Variants in ABLIM1 observed in about 807,000 individuals in gnomAD.
ABLIM1 encodes the protein actin-binding LIM protein 1.
A neutral mutation model predicts 107.0 loss-of-function variants in ABLIM1; 40 were observed. The ratio of observed to expected loss-of-function variants is 0.37; its 90% CI spans 0.29 to 0.49. The LOEUF is 0.49. Among genes scored for constraint, ABLIM1 ranks in the 20% least tolerant of loss-of-function variants. ABLIM1 has a pLI of 0.97. For missense variants in ABLIM1, 857 were observed against 1,008.5 expected (o/e 0.85, Z 2.04); for synonymous variants, 357 against 357.3 (o/e 1.00, Z 0.01).
intron 6 of ABLIM1, among the ~76,000 whole-genome samples, chr10:114,497,323 A>T (rs2059797348): frequency 6.6e-6 from 1 of 152,178 alleles, no homozygotes; most frequent in Admixed American, 6.5e-5. Context: ...TAGAGAGCTC[A>T]CCAGAGCGCC....
intron 1 of ABLIM1, among the ~76,000 whole-genome samples, chr10:114,698,004 A>G (rs1255969999): frequency 8.4e-6 from 1 of 118,680 alleles, no homozygotes; most frequent in East Asian, 2.5e-4. Context: ...ACAGGAGGAA[A>G]CATTAATCCC....
At chr10:114,614,841 G>A (rs1035604000) in intron 1 of ABLIM1, among the ~76,000 whole-genome samples, 10 of 152,000 alleles carry the variant, frequency 6.6e-5, no homozygotes, top group Non-Finnish European at 1.5e-4. Context: ...ATCACCCGAG[G>A]TTGGGACGAG....
intron 1 of ABLIM1, among the ~76,000 whole-genome samples, chr10:114,699,054 C>T (rs547291116): frequency 1.4e-4 from 18 of 129,452 alleles, no homozygotes; most frequent in African/African-American, 5.4e-4. Context: ...AGTTATGATT[C>T]AGAGCCTGGA....
chr10:114,612,516 T>C (rs1412979139), intron 1 of ABLIM1, among the ~76,000 whole-genome samples: 1 of 152,226 alleles, frequency 6.6e-6, no homozygotes, highest in East Asian at 1.9e-4. Context: ...GGCACACAGA[T>C]GCCCATGTCA....
intron 1 of ABLIM1, among the ~76,000 whole-genome samples, chr10:114,675,054 T>C (rs1428466796): frequency 1.3e-5 from 2 of 152,108 alleles, no homozygotes; most frequent in Non-Finnish European, 2.9e-5. Flanking sequence ...ATGCTCCCTA[T>C]GTCCTGAGAT....
chr10:114,594,508 G>A (rs2075225740), intron 2 of ABLIM1, among the ~76,000 whole-genome samples: 1 of 152,206 alleles, frequency 6.6e-6, no homozygotes, highest in Non-Finnish European at 1.5e-5. Context: ...CCAGCCCTTT[G>A]GGAGGCAGAG....
intron 8 of ABLIM1, among the ~76,000 whole-genome samples, chr10:114,474,956 T>C (rs1426605453): frequency 6.6e-6 from 1 of 152,204 alleles, no homozygotes; most frequent in Non-Finnish European, 1.5e-5. Flanking sequence ...CATGACTTTG[T>C]TTCTTATTTG....
At chr10:114,699,196 G>A (rs952153835) in intron 1 of ABLIM1, among the ~76,000 whole-genome samples, 2 of 145,616 alleles carry the variant, frequency 1.4e-5, no homozygotes, top group Admixed American at 1.4e-4. Flanking sequence ...GCAAACTAAA[G>A]AGTCATAAAA....
intron 5 of ABLIM1, 108 bp downstream of exon 5, chr10:114,547,542 A>C (rs1459345978): frequency 7.0e-7 from 1 of 1,434,424 alleles, no homozygotes; most frequent in Non-Finnish European, 9.4e-7. Flanking sequence ...CAGGATGTGA[A>C]CAATTTCAGC....
rs777369306 is a variant in ABLIM1 at position 114,545,114 on chromosome 10, G to A, written c.801-16C>T. The A allele has an allele frequency of 9.9e-6, 16 of 1,613,220 alleles. No individual in the cohort carries two copies. Among genetic ancestry groups the A allele is most frequent in the African/African-American group, 5.3e-5 (4 of 74,904 alleles). On this transcript the variant is annotated splice_polypyrimidine_tract_variant and intron_variant, in intron 5 of 22. Coordinates refer to ENST00000533213, the MANE Select transcript of ABLIM1 (RefSeq NM_002313.7). ...AGCACCATCCCTGCAAGACAAAAAC[G>A]TGTTCGGCTCCTGAGGAGGTGGCCA... is the stretch of plus-strand genomic sequence containing the variant.
At chr10:114,690,484 A>G (rs2081051426) in intron 1 of ABLIM1, 1 of 1,569,198 alleles carries the variant, frequency 6.4e-7, no homozygotes, top group South Asian at 1.1e-5. Flanking sequence ...ATTCTGTGAA[A>G]GCGGGAGCCC....
chr10:114,489,063 C>G (rs2134894828), intron 7 of ABLIM1, among the ~76,000 whole-genome samples: 1 of 152,110 alleles, frequency 6.6e-6, no homozygotes, highest in East Asian at 1.9e-4. Context: ...GTCTCCCAGG[C>G]TGGAGTGCAA....
intron 1 of ABLIM1, among the ~76,000 whole-genome samples, chr10:114,752,262 A>G (rs2082531477): frequency 6.6e-6 from 1 of 152,162 alleles, no homozygotes; most frequent in South Asian, 2.1e-4. Flanking sequence ...GTCCATGACC[A>G]CACAGCTGGA....
At position 114,437,904 on chromosome 10, in the gene ABLIM1, G is replaced by A; in HGVS notation, c.2163C>T (p.Leu721=). 1 of 1,614,012 alleles carries A rather than the reference G, an allele frequency of 6.2e-7. No homozygotes were observed. The highest frequency in any genetic ancestry group is 8.5e-7 in the Non-Finnish European group (1 of 1,179,940). Residue 721 remains leucine (L), a synonymous_variant, in exon 22 of 23, where the codon CTC becomes CTT. Coordinates refer to ENST00000533213, the MANE Select transcript of ABLIM1 (RefSeq NM_002313.7). ...LEPKIFPYEM[L]MVTNRGRNKI... ...TGTTTCGCCCTCTGTTGGTCACCAT[G>A]AGCATTTCATATGGAAATATCTGAG...
intron 1 of ABLIM1, among the ~76,000 whole-genome samples, chr10:114,696,679 A>G (rs2081200946): frequency 6.8e-6 from 1 of 146,204 alleles, no homozygotes; most frequent in Admixed American, 6.8e-5. Context: ...GCCTGCCACC[A>G]TGTAAGACAT....
At chr10:114,586,045 C>A (rs1488178322) in intron 2 of ABLIM1, among the ~76,000 whole-genome samples, 1 of 152,110 alleles carries the variant, frequency 6.6e-6, no homozygotes, top group Non-Finnish European at 1.5e-5. Flanking sequence ...GTGTCCAGAG[C>A]CAAGTTCCTC....
At chr10:114,740,399 AT>A (rs959504545) in intron 1 of ABLIM1, among the ~76,000 whole-genome samples, 58 of 147,516 alleles carry the variant, frequency 3.9e-4, no homozygotes, top group Admixed American at 7.5e-4. Context: ...CTCTTCGGGA[AT>A]TTTTTTTTTT....
chr10:114,491,236 GTC>G (rs558197451), intron 7 of ABLIM1, among the ~76,000 whole-genome samples: 6 of 149,780 alleles, frequency 4.0e-5, no homozygotes, highest in East Asian at 2.0e-4. Context: ...TTCTCTCTCT[GTC>G]TCTCTCTCTC....
intron 1 of ABLIM1, among the ~76,000 whole-genome samples, chr10:114,699,392 T>C (rs947050421): frequency 7.2e-5 from 11 of 152,160 alleles, no homozygotes; most frequent in Admixed American, 6.5e-5. Flanking sequence ...AGATAATTTA[T>C]ATTGGTTTTC....
Sources: gnomAD v4.1 joint callset for allele counts (sites outside exome capture counted in the v4.1 genomes callset) on GRCh38, gnomAD v4.1.1 for gene constraint, MANE v1.5 for transcripts, NCBI Gene and HGNC (gene_info 2026-07-23, HGNC 2026-07-21) for gene names.